MARCO: variants seen among roughly 807,000 people sequenced by gnomAD.
The protein encoded by MARCO is macrophage receptor MARCO.
MARCO carries 72 observed loss-of-function variants against 70.0 expected under a neutral mutation model. The ratio of observed to expected loss-of-function variants is 1.03; its 90% CI spans 0.85 to 1.25. The LOEUF is 1.25. MARCO is among the 50% of genes most tolerant of loss of function. MARCO has a pLI of 0.00. For synonymous variants in MARCO, 273 were observed against 243.1 expected, an observed-to-expected ratio of 1.12 and a Z score of -1.14; for missense variants, 696 against 659.3, an observed-to-expected ratio of 1.06 and a Z score of -0.61.
intron 12 of MARCO, among the ~76,000 whole-genome samples, chr2:118,988,204 C>T (rs1680552124): frequency 1.3e-5 from 2 of 152,024 alleles, no homozygotes; most frequent in Admixed American, 1.3e-4. Context: ...AGGTGAGGAG[C>T]TAGGAAGGGA....
chr2:118,982,259 G>A lies in MARCO; in HGVS notation c.1000+5G>A. ...CTGGCTCCCCTGGGCGAGCAGGTGA[G>A]GTCCTGGGTCCTATGGTGGGCACAG... On this transcript the variant is annotated splice_donor_5th_base_variant and intron_variant, in intron 11 of 16. Transcript: ENST00000327097. The A allele has an allele frequency of 3.1e-6, 5 of 1,612,450 alleles. No individual in the cohort carries two copies. Among genetic ancestry groups the A allele is most frequent in the Non-Finnish European group, 4.2e-6 (5 of 1,178,692 alleles).
Position 118,970,220 on chromosome 2 carries a change from T to C in MARCO, c.306T>C (p.Pro102=). The C allele has an allele frequency of 1.2e-6, 2 of 1,614,064 alleles. No homozygotes were observed. The highest frequency in any genetic ancestry group is 1.7e-6 in the Non-Finnish European group (2 of 1,179,994). ...TCTCCTTGCTGCAGTCAGCACACCC[T>C]GGAGAACACCTGGCTCAGGGTGCAT... ...PSFSLLQSAH[P]GEHLAQGASR... is the part of the protein sequence containing the mutation. The change falls in exon 3 of 17, where the codon CCT becomes CCC. Residue 102 remains proline, a synonymous_variant. Transcript: ENST00000327097.
chr2:118,962,418 T>G (rs1679966311), intron 1 of MARCO, among the ~76,000 whole-genome samples: 1 of 152,146 alleles, frequency 6.6e-6, no homozygotes, highest in Non-Finnish European at 1.5e-5. Context: ...TAGTTCTCCT[T>G]GAAGAGGTCC....
At chr2:118,950,343 A>G (rs1487780528) in intron 1 of MARCO, among the ~76,000 whole-genome samples, 1 of 152,180 alleles carries the variant, frequency 6.6e-6, no homozygotes, top group Non-Finnish European at 1.5e-5. Context: ...TTTTATTTTA[A>G]TATCCAGTTC....
chr2:118,972,003 C>T (rs61087598), intron 4 of MARCO, among the ~76,000 whole-genome samples: 3,860 of 152,258 alleles, frequency 0.025, 161 homozygotes, highest in African/African-American at 0.087. Flanking sequence ...GCGGTCAGGC[C>T]GATCTGAGTT....
At position 118,970,116 on chromosome 2, in the gene MARCO, C is replaced by A. The variant is rs144080988; in HGVS notation, c.202C>A (p.Leu68Met). 8 of 1,613,798 alleles carry A rather than the reference C, an allele frequency of 5.0e-6. No individual in the cohort carries two copies. The highest frequency in any genetic ancestry group is 1.1e-5 in the South Asian group (1 of 91,050). Residue 68 changes from leucine to methionine, a missense_variant and splice_region_variant, in exon 3 of 17, where the codon CTG becomes ATG. Physicochemically the swap from Leu to Met is conservative, Grantham distance 15 (BLOSUM62 2). Coordinates refer to ENST00000327097, the MANE Select transcript of MARCO (RefSeq NM_006770.4). ...AGAGLLVVQV[L>M]NLQARLRVLE... ...GAATGCTGTGGGGTGGGGCCCAGTTCTGAATCTGCAGGCGCGGCTCCGGGT... is the reference window on the plus strand; with the variant it reads ...GAATGCTGTGGGGTGGGGCCCAGTTATGAATCTGCAGGCGCGGCTCCGGGT...
intron 1 of MARCO, among the ~76,000 whole-genome samples, chr2:118,965,562 T>C (rs1573387419): frequency 1.3e-5 from 2 of 152,226 alleles, no homozygotes; most frequent in African/African-American, 4.8e-5. Context: ...CTCTTGATTG[T>C]CTCCTCTCAT....
chr2:118,945,017 T>C (rs1679569010), intron 1 of MARCO: 1 of 152,168 alleles, frequency 6.6e-6, no homozygotes, highest in African/African-American at 2.4e-5. Context: ...CACGTGATGA[T>C]TTGATATATG....
At chr2:118,963,514 A>G (rs7578700) in intron 1 of MARCO, among the ~76,000 whole-genome samples, 27,888 of 151,598 alleles carry the variant, frequency 0.18, 3,364 homozygotes, top group African/African-American at 0.33. Context: ...CTAGGATATC[A>G]TCTATTTTGG....
rs777999392 is a variant in MARCO, at chr2:118,970,149, A to T, written c.235A>T (p.Met79Leu). 24 of 1,613,810 alleles carry T rather than the reference A, an allele frequency of 1.5e-5. No individual in the cohort carries two copies. The highest frequency in any genetic ancestry group is 2.0e-5 in the Non-Finnish European group (24 of 1,179,978). ...GCAGGCGCGGCTCCGGGTCCTGGAG[A>T]TGTATTTCCTCAATGACACTCTGGC... ...NLQARLRVLE[M>L]YFLNDTLAAE... The change falls in exon 3 of 17, where the codon ATG (methionine) becomes TTG (leucine). Residue 79 changes from methionine to leucine, a missense_variant. Physicochemically the swap from Met to Leu is conservative, Grantham distance 15. Transcript: ENST00000327097.
At chr2:118,943,756 A>G (rs1326253402) in intron 1 of MARCO, among the ~76,000 whole-genome samples, 1 of 152,242 alleles carries the variant, frequency 6.6e-6, no homozygotes, top group Non-Finnish European at 1.5e-5. Flanking sequence ...AAATATAAAT[A>G]CTTCCATACT....
At chr2:118,983,780 G>A (rs569501106) in intron 12 of MARCO, among the ~76,000 whole-genome samples, 33 of 152,016 alleles carry the variant, frequency 2.2e-4, no homozygotes, top group African/African-American at 6.8e-4. Context: ...TTCATCTCTC[G>A]GTTGTAAATA....
intron 8 of MARCO, 130 bp from the exon 9 acceptor site, chr2:118,981,279 C>T (rs978943613): frequency 6.0e-6 from 4 of 668,230 alleles, no homozygotes; most frequent in Admixed American, 3.0e-5. Flanking sequence ...ATCTTCCACT[C>T]GCGGGCACCA....
intron 6 of MARCO, 36 bp from the exon 7 acceptor site, chr2:118,977,435 G>A (rs1389873722): frequency 6.3e-6 from 10 of 1,582,808 alleles, no homozygotes; most frequent in Admixed American, 3.3e-5. Context: ...ACATTCTCAG[G>A]CCACAGCAAC....
At chr2:118,977,575 T>TGGG in intron 7 of MARCO, 60 bp downstream of exon 7, 2 of 1,432,662 alleles carry the variant, frequency 1.4e-6, no homozygotes, top group Non-Finnish European at 2.0e-6. Context: ...CTGAGGCAGT[T>TGGG]CCCCCCCACC....
chr2:118,983,181 ATGGGGAAGGCAG>A (rs1420062923), intron 12 of MARCO, among the ~76,000 whole-genome samples: 1 of 152,174 alleles, frequency 6.6e-6, no homozygotes, highest in East Asian at 1.9e-4. Flanking sequence ...AGGAGGGGCA[ATGGGGAAGGCAG>A]GGTTGTGATG....
chr2:118,977,441 GCAA>G (rs1220068474), intron 6 of MARCO, 27 bp from the exon 7 acceptor site: 1 of 1,600,242 alleles, frequency 6.2e-7, no homozygotes, highest in Non-Finnish European at 8.6e-7. Context: ...TCAGGCCACA[GCAA>G]CTGAGCTCTT....
At chr2:118,956,663 C>T (rs1679843204) in intron 1 of MARCO, among the ~76,000 whole-genome samples, 1 of 152,152 alleles carries the variant, frequency 6.6e-6, no homozygotes, top group Non-Finnish European at 1.5e-5. Context: ...ATATACAGAA[C>T]ATTTCATCCA....
Position 118,981,395 on chromosome 2 carries a change from T to C in MARCO, c.767-14T>C. 1 of 1,577,640 alleles carries C rather than the reference T, an allele frequency of 6.3e-7. No homozygotes were observed. Among genetic ancestry groups the C allele is most frequent in the East Asian group, 2.2e-5 (1 of 44,694 alleles). ...GTTCCTCCCACAACTAACCAAGACT[T>C]TTTGGTTTTTCAGGAAGCAAAGGGG... is the stretch of plus-strand genomic sequence containing the variant. On this transcript the variant is annotated splice_polypyrimidine_tract_variant and intron_variant, in intron 8 of 16. Transcript: ENST00000327097.
Sources: allele counts gnomAD v4.1 joint callset (sites outside exome capture counted in the v4.1 genomes callset), GRCh38; gene constraint gnomAD v4.1.1; transcripts MANE v1.5; gene names NCBI Gene and HGNC (gene_info 2026-07-23, HGNC 2026-07-21).